PTGS1: variants seen among roughly 807,000 people sequenced by gnomAD.
The protein encoded by PTGS1 is prostaglandin-endoperoxide synthase 1.
Under a neutral mutation model 63.0 loss-of-function variants are expected in PTGS1, and 40 were observed. The observed-to-expected ratio is 0.63, with a 90% CI of 0.49 to 0.83. The LOEUF (loss-of-function observed/expected upper bound fraction) is 0.83, where lower values mean the gene tolerates loss of function less well. PTGS1 is among the 40% of genes least tolerant of loss of function. PTGS1 has a pLI of 0.00. For missense variants in PTGS1, 709 were observed against 786.5 expected, an observed-to-expected ratio of 0.90 and a Z score of 1.18; for synonymous variants, 298 against 301.9, an observed-to-expected ratio of 0.99 and a Z score of 0.13.
Position 122,393,906 on chromosome 9 carries a change from T to C in PTGS1, c.*1362T>C, listed in dbSNP as rs1357642963. On this transcript the variant is annotated 3_prime_UTR_variant, in exon 11 of 11. Transcript: ENST00000362012. The stretch of plus-strand genomic sequence containing the variant: ...CAGGCTACTCATTCAGTCCCAAATA[T>C]GTATTTTCCTAAGTGTTTACTATGT... The C allele has an allele frequency of 6.6e-6, 1 of 152,232 alleles. No homozygotes were observed. The highest frequency in any genetic ancestry group is 2.4e-5 in the African/African-American group (1 of 41,452). 9.4% of individuals were successfully genotyped at this position (152,232 alleles called of 1,614,324 possible).
At chr9:122,375,470 A>T (rs1243205345) in intron 2 of PTGS1, 1 of 985,286 alleles carries the variant, frequency 1.0e-6, no homozygotes, top group Non-Finnish European at 1.2e-6. Context: ...ACTTCATTTT[A>T]TTTATTCCAC....
At chr9:122,383,478 C>A (rs201170932) in intron 7 of PTGS1, 31 bp from the exon 8 acceptor site, 1 of 1,572,324 alleles carries the variant, frequency 6.4e-7, no homozygotes, top group South Asian at 1.2e-5. Flanking sequence ...TGACCCCCAA[C>A]CCCAGGTTGC....
intron 5 of PTGS1, among the ~76,000 whole-genome samples, chr9:122,379,462 A>G (rs541826096): frequency 1.1e-3 from 169 of 152,338 alleles, no homozygotes; most frequent in Non-Finnish European, 1.5e-3. Context: ...CATCAAGTAC[A>G]GAGAGGACAA....
intron 2 of PTGS1, among the ~76,000 whole-genome samples, chr9:122,373,490 C>T (rs900079170): frequency 1.3e-5 from 2 of 152,150 alleles, no homozygotes; most frequent in South Asian, 2.1e-4. Flanking sequence ...AGATGGAGGC[C>T]AGCCTGGAGG....
intron 2 of PTGS1, among the ~76,000 whole-genome samples, chr9:122,372,332 G>T (rs559828007): frequency 1.3e-5 from 2 of 152,282 alleles, no homozygotes; most frequent in South Asian, 4.1e-4. Context: ...GCATTTAGGG[G>T]ACCCAAAGAG....
rs769870166 is a variant in PTGS1, at chr9:122,378,844, T to A, written c.422T>A (p.Phe141Tyr). 1 of 1,614,196 alleles carries A rather than the reference T, an allele frequency of 6.2e-7. No homozygotes were observed. Among genetic ancestry groups the A allele is most frequent in the Admixed American group, 1.7e-5 (1 of 60,022 alleles). The change falls in exon 5 of 11, where the codon TTC becomes TAC. Residue 141 changes from phenylalanine (F) to tyrosine (Y), a missense_variant. By Grantham distance (22) the Phe-to-Tyr change is conservative (BLOSUM62 3). Coordinates refer to ENST00000362012, the MANE Select transcript of PTGS1 (RefSeq NM_000962.4). ...CATGACTACATCAGCTGGGAGTCTT[T>A]CTCCAACGTGAGCTATTACACTCGT... ...SAHDYISWES[F>Y]SNVSYYTRIL...
intron 7 of PTGS1, among the ~76,000 whole-genome samples, chr9:122,382,185 T>G (rs1419314761): frequency 6.6e-6 from 1 of 152,122 alleles, no homozygotes; most frequent in African/African-American, 2.4e-5. Context: ...AAATATAATG[T>G]GAACCACATA....
rs752563761 is a variant in PTGS1, at chr9:122,371,102, C to A, written c.7+11C>A. 3 of 1,603,158 alleles carry A rather than the reference C, an allele frequency of 1.9e-6. No individual in the cohort carries two copies. Among genetic ancestry groups the A allele is most frequent in the Non-Finnish European group, 2.5e-6 (3 of 1,179,568 alleles). ...GCCGCGCCATGAGCCGTGAGTGCGA[C>A]CCCGGTGCCCGGTGGGGAATTTTCT... On this transcript the variant is annotated intron_variant, in intron 1 of 10. Transcript: ENST00000362012.
rs1837900364 is a variant in PTGS1 at position 122,386,745 on chromosome 9, G to A, written c.1296+13G>A. On this transcript the variant is annotated intron_variant, in intron 9 of 10. Coordinates refer to ENST00000362012, the MANE Select transcript of PTGS1 (RefSeq NM_000962.4). The stretch of plus-strand genomic sequence containing the variant: ...GATTGCTGGCCGGGTAAGCCCCAGA[G>A]GAGTGCTGGTGAGGGCAGGTGGGCT... 1 of 1,612,898 alleles carries A rather than the reference G, an allele frequency of 6.2e-7. No individual in the cohort carries two copies. The highest frequency in any genetic ancestry group is 1.3e-5 in the African/African-American group (1 of 74,930).
Position 122,378,585 on chromosome 9 carries a change from G to T in PTGS1, c.352+12G>T. 6.2e-7 allele frequency: 1 copy of T among 1,614,160 alleles called. No individual in the cohort carries two copies. ...CCTGGTACTCACAGGTGGGTGTGGG[G>T]CAGGGCCCCCTGACCTGGGGGAGCA... On this transcript the variant is annotated intron_variant, in intron 4 of 10. Coordinates refer to ENST00000362012, the MANE Select transcript of PTGS1 (RefSeq NM_000962.4).
rs766291103 is a variant in PTGS1, at chr9:122,378,591, C to A, written c.352+18C>A. 3.7e-6 allele frequency: 6 copies of A among 1,613,994 alleles called. No homozygotes were observed. In the East Asian group the frequency reaches 6.7e-5, roughly 18 times the overall value. On this transcript the variant is annotated intron_variant, in intron 4 of 10. Transcript: ENST00000362012. Reference sequence around the variant, plus strand: ...ACTCACAGGTGGGTGTGGGGCAGGGCCCCCTGACCTGGGGGAGCAAGCAAG... The same window carrying A: ...ACTCACAGGTGGGTGTGGGGCAGGGACCCCTGACCTGGGGGAGCAAGCAAG...
rs748077679 is a variant in PTGS1 at position 122,381,358 on chromosome 9, AC to A, written c.497-7del. 11 of 1,612,114 alleles carry A rather than the reference AC, an allele frequency of 6.8e-6. No homozygotes were observed. In the East Asian group the frequency reaches 8.9e-5, roughly 13 times the overall value. On this transcript the variant is annotated splice_polypyrimidine_tract_variant and intron_variant, in intron 5 of 10. Transcript: ENST00000362012. ...ATAGGAGAAGCTACTGCTGTTTCCT[AC>A]CCCCCAACCAGGGAAGAAGCAGTTG...
rs748077679 is a variant in PTGS1 at position 122,381,358 on chromosome 9, A to AC, written c.497-7dup. On this transcript the variant is annotated splice_polypyrimidine_tract_variant and intron_variant, in intron 5 of 10. Coordinates refer to ENST00000362012, the MANE Select transcript of PTGS1 (RefSeq NM_000962.4). Reference sequence around the variant, plus strand: ...ATAGGAGAAGCTACTGCTGTTTCCTACCCCCCAACCAGGGAAGAAGCAGTT... The same window carrying AC: ...ATAGGAGAAGCTACTGCTGTTTCCTACCCCCCCAACCAGGGAAGAAGCAGTT... 18 of 1,612,114 alleles carry AC rather than the reference A, an allele frequency of 1.1e-5. No individual in the cohort carries two copies. The highest frequency in any genetic ancestry group is 1.3e-5 in the African/African-American group (1 of 74,722).
In PTGS1 at chr9:122,377,756, C is replaced by T. The variant is rs886578037; in HGVS notation, c.95-143C>T. The stretch of plus-strand genomic sequence containing the variant: ...GGGAACAGGGGTCCCCTTGGGGGAA[C>T]CCTGAAGCCCTGGCACCCAGTGATT... On this transcript the variant is annotated intron_variant, in intron 2 of 10. Transcript: ENST00000362012. 10 of 694,892 alleles carry T rather than the reference C, an allele frequency of 1.4e-5. No homozygotes were observed. In the South Asian group the frequency reaches 1.8e-4, roughly 12 times the overall value. The allele number at this position is 694,892 out of a possible 1,614,324, so 43.0% of individuals were successfully genotyped here. A position where few individuals can be genotyped will look rare whatever the true frequency, so the allele number is the denominator to read the frequency against.
At chr9:122,387,207 A>C (rs1805416019) in intron 9 of PTGS1, among the ~76,000 whole-genome samples, 1 of 151,850 alleles carries the variant, frequency 6.6e-6, no homozygotes, top group Non-Finnish European at 1.5e-5. Context: ...GGAGGGATAG[A>C]GATTTCCCAG....
intron 2 of PTGS1, among the ~76,000 whole-genome samples, chr9:122,376,388 G>A (rs1007071842): frequency 5.3e-5 from 7 of 131,076 alleles, no homozygotes; most frequent in East Asian, 2.2e-4. Flanking sequence ...GTGTGTGTGT[G>A]TATTTGAGGT....
At chr9:122,373,737 GGA>G in intron 2 of PTGS1, among the ~76,000 whole-genome samples, 1 of 152,234 alleles carries the variant, frequency 6.6e-6, no homozygotes, top group Non-Finnish European at 1.5e-5. Flanking sequence ...CTGTGGGCCG[GGA>G]GAGGGCTTCC....
intron 2 of PTGS1, among the ~76,000 whole-genome samples, chr9:122,374,357 G>T (rs569905913): frequency 3.9e-5 from 6 of 152,102 alleles, no homozygotes; most frequent in Non-Finnish European, 8.8e-5. Context: ...CCTTTAGCCC[G>T]CCTGCTAAAC....
chr9:122,375,007 T>C (rs1192986869), intron 2 of PTGS1, among the ~76,000 whole-genome samples: 8 of 152,058 alleles, frequency 5.3e-5, no homozygotes, highest in Non-Finnish European at 1.2e-4. Flanking sequence ...TGAGCGTGGG[T>C]GTGGAAGGTT....
Sources: gnomAD v4.1 joint callset for allele counts (sites outside exome capture counted in the v4.1 genomes callset) on GRCh38, gnomAD v4.1.1 for gene constraint, MANE v1.5 for transcripts, NCBI Gene and HGNC (gene_info 2026-07-23, HGNC 2026-07-21) for gene names.